Variants in GFI1B observed in about 807,000 individuals in gnomAD.
The protein encoded by GFI1B is growth factor independent 1B transcriptional repressor.
A neutral mutation model predicts 35.3 loss-of-function variants in GFI1B; 20 were observed. The ratio of observed to expected loss-of-function variants is 0.57; its 90% CI spans 0.40 to 0.82. The LOEUF is 0.82. Ranked by LOEUF, GFI1B falls within the 40% of genes least tolerant of loss-of-function variation. GFI1B has a pLI of 0.00. For synonymous variants in GFI1B, 178 were observed against 177.6 expected, an observed-to-expected ratio of 1.00 and a Z score of -0.02; for missense variants, 430 against 446.3, an observed-to-expected ratio of 0.96 and a Z score of 0.33.
chr9:132,983,066 A>G (rs1848886130), intron 1 of GFI1B, among the ~76,000 whole-genome samples: 1 of 151,868 alleles, frequency 6.6e-6, no homozygotes, highest in Non-Finnish European at 1.5e-5. Context: ...CCAGGAGAAT[A>G]CCAATGCTTC....
chr9:132,985,422 G>C (rs3827664), intron 1 of GFI1B, among the ~76,000 whole-genome samples: 46,789 of 152,084 alleles, frequency 0.31, 8,555 homozygotes, highest in Admixed American at 0.44. Context: ...GAAGCTGGGG[G>C]CTGTTCGCCT....
intron 1 of GFI1B, among the ~76,000 whole-genome samples, chr9:132,956,291 C>G (rs1418990339): frequency 6.6e-6 from 1 of 151,194 alleles, no homozygotes; most frequent in Non-Finnish European, 1.5e-5. Flanking sequence ...TCCTCCACCT[C>G]CTTTTGTTAT....
intron 1 of GFI1B, among the ~76,000 whole-genome samples, chr9:132,959,719 G>C (rs987173995): frequency 6.6e-6 from 1 of 152,172 alleles, no homozygotes; most frequent in African/African-American, 2.4e-5. Context: ...GGTTCCGAGG[G>C]AGCAGCTGTT....
chr9:132,986,807 T>G, intron 2 of GFI1B, 29 bp downstream of exon 2: 2 of 1,406,038 alleles, frequency 1.4e-6, no homozygotes, highest in Non-Finnish European at 2.0e-6. Flanking sequence ...TGGCGCCTGC[T>G]GCACCCACGG....
In GFI1B at chr9:132,979,266, T is replaced by A. The variant is rs1457745955; in HGVS notation, c.-21+425T>A. ...GGACACTTTTTTTTTTTTTTTTTTT[T>A]TTTTTTTTGAGACAGAGTGAGACTC... is the stretch of plus-strand genomic sequence containing the variant. On this transcript the variant is annotated intron_variant, in intron 1 of 6. Coordinates refer to ENST00000372122, the MANE Select transcript of GFI1B (RefSeq NM_001377304.1). 4.4e-4 allele frequency among the ~76,000 whole-genome samples: 64 copies of A among 146,940 alleles called. 1 individual carries two copies. Among genetic ancestry groups the A allele is most frequent in the African/African-American group, 1.2e-3 (48 of 39,622 alleles).
chr9:132,961,104 G>T (rs1253790097), intron 1 of GFI1B, among the ~76,000 whole-genome samples: 3 of 152,120 alleles, frequency 2.0e-5, no homozygotes, highest in Non-Finnish European at 4.4e-5. Context: ...AACTTTAAGT[G>T]TCAAAAGTGA....
intron 1 of GFI1B, among the ~76,000 whole-genome samples, chr9:132,981,766 T>C (rs1221063968): frequency 1.3e-5 from 2 of 152,186 alleles, no homozygotes; most frequent in African/African-American, 4.8e-5. Flanking sequence ...GAATCTTTTT[T>C]TTTTTTGACA....
At position 132,978,777 on chromosome 9, in the gene GFI1B, G is replaced by A. The variant is rs114860173; in HGVS notation, c.-85G>A. ...GACAGAGTGGAGGCCAGTCCCGAGAGAGGCTTTGCAGTTCCCACCTCGGGA... is the reference window on the plus strand; with the variant it reads ...GACAGAGTGGAGGCCAGTCCCGAGAAAGGCTTTGCAGTTCCCACCTCGGGA... On this transcript the variant is annotated 5_prime_UTR_variant, in exon 1 of 7. Coordinates refer to ENST00000372122, the MANE Select transcript of GFI1B (RefSeq NM_001377304.1). The A allele has an allele frequency of 1.8e-4, 28 of 152,434 alleles. No individual in the cohort carries two copies. Among genetic ancestry groups the A allele is most frequent in the African/African-American group, 5.0e-4 (21 of 41,596 alleles). The allele number at this position is 152,434 out of a possible 1,614,324, so 9.4% of individuals were successfully genotyped here. A position where few individuals can be genotyped will look rare whatever the true frequency, so the allele number is the denominator to read the frequency against.
In GFI1B at chr9:132,989,726, T is replaced by G. The variant is rs1849218698; in HGVS notation, c.649-16T>G. ...AGCCTGCACCTGACCCCCCGGGGCC[T>G]CATTTCCTCCGGCAGGAGCGCAGCT... On this transcript the variant is annotated splice_polypyrimidine_tract_variant and intron_variant, in intron 5 of 6. Coordinates refer to ENST00000372122, the MANE Select transcript of GFI1B (RefSeq NM_001377304.1). This position sits in a 1 kb window ranked among gnomAD's most constrained non-coding sequence, Gnocchi z 6.2. 6.2e-7 allele frequency: 1 copy of G among 1,612,272 alleles called. No homozygotes were observed. Among genetic ancestry groups the G allele is most frequent in the African/African-American group, 1.3e-5 (1 of 74,890 alleles).
chr9:132,951,524 A>T (rs1005752978), intron 1 of GFI1B: 2 of 152,166 alleles, frequency 1.3e-5, no homozygotes, highest in Non-Finnish European at 2.9e-5. Context: ...AGTGTAGCTC[A>T]TTGGAAAAGA....
chr9:132,950,738 G>A (rs764707899), intron 1 of GFI1B, among the ~76,000 whole-genome samples: 1 of 131,034 alleles, frequency 7.6e-6, no homozygotes, highest in Non-Finnish European at 1.7e-5. Flanking sequence ...TACACTTTGG[G>A]TTTTTGAGAT....
rs1283073387 is a variant in GFI1B at position 132,991,534 on chromosome 9, C to T, written c.*484C>T. ...AGCCTGGCACCCCCTCTGCTTCGGC[C>T]AGATGTGCTGGCTGACTCCGACTTC... On this transcript the variant is annotated 3_prime_UTR_variant, in exon 7 of 7. Transcript: ENST00000372122. 1.2e-5 allele frequency: 2 copies of T among 172,988 alleles called. No homozygotes were observed. Among genetic ancestry groups the T allele is most frequent in the African/African-American group, 4.8e-5 (2 of 41,992 alleles). 10.7% of individuals were successfully genotyped at this position (172,988 alleles called of 1,614,324 possible).
chr9:132,976,295 C>T (rs771073161), upstream of GFI1B, among the ~76,000 whole-genome samples: 9 of 152,124 alleles, frequency 5.9e-5, no homozygotes, highest in Non-Finnish European at 8.8e-5. Flanking sequence ...TCATGTTTCA[C>T]GGAAAATGAC....
intron 1 of GFI1B, among the ~76,000 whole-genome samples, chr9:132,982,182 A>G (rs2132628520): frequency 6.6e-6 from 1 of 152,380 alleles, no homozygotes. Flanking sequence ...AAGGTGGTTC[A>G]ATCTCTCACT....
At position 132,991,138 on chromosome 9, in the gene GFI1B, C is replaced by T; in HGVS notation, c.*88C>T. 8.1e-7 allele frequency: 1 copy of T among 1,228,824 alleles called. No individual in the cohort carries two copies. Among genetic ancestry groups the T allele is most frequent in the East Asian group, 2.4e-5 (1 of 41,942 alleles). The allele number at this position is 1,228,824 out of a possible 1,614,324, so 76.1% of individuals were successfully genotyped here. On this transcript the variant is annotated 3_prime_UTR_variant, in exon 7 of 7. Transcript: ENST00000372122. ...CTCACATGCCCAAATCTCCAGTCTCCTGGAGGTGGGACTGGACAGGAGTCT... is the reference window on the plus strand; with the variant it reads ...CTCACATGCCCAAATCTCCAGTCTCTTGGAGGTGGGACTGGACAGGAGTCT...
intron 1 of GFI1B, chr9:132,951,993 TC>T (rs1848210130): frequency 6.6e-6 from 1 of 152,154 alleles, no homozygotes; most frequent in South Asian, 2.1e-4. Flanking sequence ...GGTCTTGAAC[TC>T]CTGGACTCAA....
chr9:132,983,051 T>C (rs1416433676), intron 1 of GFI1B, among the ~76,000 whole-genome samples: 1 of 152,130 alleles, frequency 6.6e-6, no homozygotes, highest in Non-Finnish European at 1.5e-5. Flanking sequence ...CCTTAGGCCC[T>C]GAGCCCAGGA....
rs1474417793 is a variant in GFI1B at position 132,991,047 on chromosome 9, G to C, written c.990G>C (p.Lys330Asn). The C allele has an allele frequency of 6.2e-7, 1 of 1,613,162 alleles. No individual in the cohort carries two copies. Among genetic ancestry groups the C allele is most frequent in the Non-Finnish European group, 8.5e-7 (1 of 1,179,786 alleles). ...RRHRESQHNL[K>N] The stretch of plus-strand genomic sequence containing the variant: ...ACCGCGAGAGCCAGCACAATCTCAA[G>C]TGAGGCTGCGCCGGCTCCCAGCTCC... The change falls in exon 7 of 7, where the codon AAG (lysine) becomes AAC (asparagine). Residue 330 changes from lysine to asparagine, a missense_variant. Lys to Asn is a moderately conservative substitution (Grantham distance 94, BLOSUM62 0). Coordinates refer to ENST00000372122, the MANE Select transcript of GFI1B (RefSeq NM_001377304.1).
chr9:132,989,051 C>T lies in GFI1B; in HGVS notation c.511-10C>T. On this transcript the variant is annotated splice_polypyrimidine_tract_variant and intron_variant, in intron 4 of 6. Transcript: ENST00000372122. The surrounding 1 kb of genome is among the most constrained non-coding windows in gnomAD (Gnocchi z 6.2). Reference sequence around the variant, plus strand: ...CCCCCAGTGGCCTCACATGCTGCCCCTGCTCCCAGGTCTTCTCCACCCCTC... The same window carrying T: ...CCCCCAGTGGCCTCACATGCTGCCCTTGCTCCCAGGTCTTCTCCACCCCTC... The T allele has an allele frequency of 6.2e-7, 1 of 1,613,920 alleles. No individual in the cohort carries two copies. The highest frequency in any genetic ancestry group is 8.5e-7 in the Non-Finnish European group (1 of 1,179,820).
Sources: allele counts gnomAD v4.1 joint callset (sites outside exome capture counted in the v4.1 genomes callset), GRCh38; gene constraint gnomAD v4.1.1; non-coding constraint Gnocchi (gnomAD v3.1); transcripts MANE v1.5; gene names NCBI Gene and HGNC (gene_info 2026-07-23, HGNC 2026-07-21).